The following POFUT1 variants were observed in gnomAD, a reference collection of about 807,000 sequenced individuals.
The protein encoded by POFUT1 is protein O-fucosyltransferase 1.
POFUT1 carries 16 observed loss-of-function variants against 42.4 expected under a neutral mutation model. That is an observed-to-expected ratio of 0.38 (90% CI 0.26 to 0.57). The LOEUF is 0.57. Ranked by LOEUF, POFUT1 falls within the 20% of genes least tolerant of loss-of-function variation. The probability of loss-of-function intolerance (pLI) is 0.71; values close to 1 mark genes in which losing one functional copy is unlikely to be tolerated. For synonymous variants in POFUT1, 206 were observed against 205.4 expected, an observed-to-expected ratio of 1.00 and a Z score of -0.03; for missense variants, 470 against 504.6, an observed-to-expected ratio of 0.93 and a Z score of 0.66.
chr20:32,217,419 T>A, intron 4 of POFUT1: 1 of 1,023,278 alleles, frequency 9.8e-7, no homozygotes, highest in Non-Finnish European at 1.2e-6. Flanking sequence ...TACTAATTCA[T>A]GTGCGGTCAA....
At chr20:32,216,225 G>C (rs559451524) in intron 3 of POFUT1, among the ~76,000 whole-genome samples, 10 of 152,234 alleles carry the variant, frequency 6.6e-5, no homozygotes, top group Non-Finnish European at 1.5e-4. Flanking sequence ...CCTTGGGTAA[G>C]TGTCTGACCC....
Position 32,228,375 on chromosome 20 carries a change from G to T in POFUT1, c.655G>T (p.Val219Leu). ...GTACATGGTATGGTCAGACGAAATG[G>T]TGAAGACGGGAGAGGCCCAGATTCA... ...QKYMVWSDEM[V>L]KTGEAQIHAH... The change falls in exon 5 of 7, where the codon GTG becomes TTG. Residue 219 changes from valine (V) to leucine (L), a missense_variant. Transcript: ENST00000375749. The T allele has an allele frequency of 6.2e-7, 1 of 1,614,230 alleles. No homozygotes were observed. Among genetic ancestry groups the T allele is most frequent in the Non-Finnish European group, 8.5e-7 (1 of 1,180,040 alleles).
chr20:32,228,408 C>G lies in POFUT1; in HGVS notation c.688C>G (p.Leu230Val), dbSNP rs905792881. 1.9e-6 allele frequency: 3 copies of G among 1,614,092 alleles called. No individual in the cohort carries two copies. Among genetic ancestry groups the G allele is most frequent in the Non-Finnish European group, 2.5e-6 (3 of 1,180,014 alleles). ...KTGEAQIHAH[L>V]VRPYVGIHLR... The stretch of plus-strand genomic sequence containing the variant: ...GGGAGAGGCCCAGATTCATGCCCAC[C>G]TTGTCCGGCCCTATGTGGGCATTCA... The change falls in exon 5 of 7, where the codon CTT becomes GTT. Residue 230 changes from leucine to valine, a missense_variant. By Grantham distance (32) the Leu-to-Val change is conservative. Transcript: ENST00000375749.
chr20:32,223,020 T>G, intron 4 of POFUT1: 1 of 985,398 alleles, frequency 1.0e-6, no homozygotes, highest in Non-Finnish European at 1.2e-6. Flanking sequence ...CCCTGGGTCT[T>G]CTGCACTCAA....
At chr20:32,213,667 A>T (rs1440898233) in intron 2 of POFUT1, among the ~76,000 whole-genome samples, 1 of 151,972 alleles carries the variant, frequency 6.6e-6, no homozygotes, top group Non-Finnish European at 1.5e-5. Flanking sequence ...GCTACTCGGG[A>T]GGCTGAGGCA....
chr20:32,229,096 C>G lies in POFUT1; in HGVS notation c.735+641C>G, dbSNP rs554338429. On this transcript the variant is annotated intron_variant, in intron 5 of 6. Transcript: ENST00000375749. ...AAACTCTCCTCTTTCCCCCAGCCCC[C>G]ACAAAGAAAGGGAGCCAGAGCCAGG... Among the ~76,000 whole-genome samples the G allele has an allele frequency of 3.3e-5, 5 of 152,320 alleles. No individual in the cohort carries two copies. In the East Asian group the frequency reaches 7.7e-4, roughly 23 times the overall value.
rs1443721842 is a variant in POFUT1, at chr20:32,238,101, T to C, written c.*3440T>C. The C allele has an allele frequency of 6.6e-6, 2 of 304,172 alleles. No homozygotes were observed. The highest frequency in any genetic ancestry group is 2.2e-5 in the African/African-American group (1 of 46,048). 18.8% of individuals were successfully genotyped at this position (304,172 alleles called of 1,614,324 possible). A position where few individuals can be genotyped will look rare whatever the true frequency, so the allele number is the denominator to read the frequency against. On this transcript the variant is annotated 3_prime_UTR_variant, in exon 7 of 7. Transcript: ENST00000375749. ...TCCATAGTTTATTGTTTTCCTATTA[T>C]GAGAATTTAGGCCAAGTGTGGTGGC...
intron 4 of POFUT1, chr20:32,222,759 A>G (rs2122585347): frequency 1.0e-6 from 1 of 985,484 alleles, no homozygotes; most frequent in Non-Finnish European, 1.2e-6. Flanking sequence ...AGCCTGGCAC[A>G]GCTCTAATTC....
At chr20:32,224,720 GT>G (rs1439965460) in intron 4 of POFUT1, among the ~76,000 whole-genome samples, 1 of 152,244 alleles carries the variant, frequency 6.6e-6, no homozygotes, top group African/African-American at 2.4e-5. Context: ...AGCAGTCTCT[GT>G]TGGGTGTGGA....
chr20:32,207,950 C>A lies in POFUT1; in HGVS notation c.9C>A (p.Ala3=), dbSNP rs754024771. 1.3e-6 allele frequency: 2 copies of A among 1,588,800 alleles called. No homozygotes were observed. Among genetic ancestry groups the A allele is most frequent in the East Asian group, 2.3e-5 (1 of 44,060 alleles). The change falls in exon 1 of 7, where the codon GCC becomes GCA. Residue 3 remains alanine (A), a synonymous_variant. Coordinates refer to ENST00000375749, the MANE Select transcript of POFUT1 (RefSeq NM_015352.2). ...CGGGTTCCCGGGCCGACATGGGCGC[C>A]GCCGCGTGGGCACGGCCGCTGAGCG... is the stretch of plus-strand genomic sequence containing the variant. The part of the protein sequence containing the change: MG[A]AAWARPLSVS...
intron 5 of POFUT1, among the ~76,000 whole-genome samples, chr20:32,230,555 C>G (rs1030100091): frequency 4.6e-5 from 7 of 151,544 alleles, no homozygotes; most frequent in African/African-American, 1.7e-4. Context: ...AGTAGCCGGG[C>G]ATGGTGGCGG....
intron 4 of POFUT1, among the ~76,000 whole-genome samples, chr20:32,226,905 A>G (rs2047417377): frequency 6.6e-6 from 1 of 152,144 alleles, no homozygotes; most frequent in Non-Finnish European, 1.5e-5. Context: ...GCTGCAAGGG[A>G]CATTGGTGTA....
At chr20:32,229,402 A>G (rs989450537) in intron 5 of POFUT1, among the ~76,000 whole-genome samples, 14 of 152,264 alleles carry the variant, frequency 9.2e-5, no homozygotes, top group African/African-American at 3.1e-4. Context: ...CAAATTTACT[A>G]TATTAACACC....
chr20:32,221,075 A>G (rs1204441046), intron 4 of POFUT1, among the ~76,000 whole-genome samples: 1 of 152,170 alleles, frequency 6.6e-6, no homozygotes, highest in African/African-American at 2.4e-5. Context: ...ACCACTTCTA[A>G]TCTGCCACAC....
chr20:32,219,592 G>C (rs2047380504), intron 4 of POFUT1, among the ~76,000 whole-genome samples: 1 of 150,558 alleles, frequency 6.6e-6, no homozygotes, highest in African/African-American at 2.4e-5. Context: ...CACCTCCCGG[G>C]TTCATGCCAT....
chr20:32,223,560 A>G (rs1472257621), intron 4 of POFUT1: 1 of 985,148 alleles, frequency 1.0e-6, no homozygotes, highest in East Asian at 1.1e-4. Context: ...TGGGAGATCT[A>G]CTCTGGCTTT....
intron 4 of POFUT1, chr20:32,222,816 G>A (rs2047397435): frequency 3.0e-6 from 3 of 985,404 alleles, no homozygotes; most frequent in Non-Finnish European, 1.2e-6. Flanking sequence ...ATGCACCATC[G>A]TGCCAAACCA....
At chr20:32,222,947 C>G in intron 4 of POFUT1, 1 of 984,390 alleles carries the variant, frequency 1.0e-6, no homozygotes, top group Non-Finnish European at 1.2e-6. Flanking sequence ...ATGCAGAGAG[C>G]TGGAGGGAAA....
At chr20:32,232,205 A>G (rs760475359) in intron 6 of POFUT1, among the ~76,000 whole-genome samples, 2 of 152,148 alleles carry the variant, frequency 1.3e-5, no homozygotes, top group African/African-American at 2.4e-5. Flanking sequence ...GGCTGGGCAC[A>G]GTGGCTCATG....
Sources: allele counts gnomAD v4.1 joint callset (sites outside exome capture counted in the v4.1 genomes callset), GRCh38; gene constraint gnomAD v4.1.1; transcripts MANE v1.5; gene names NCBI Gene and HGNC (gene_info 2026-07-23, HGNC 2026-07-21).